NSDHL: variants seen among roughly 807,000 people sequenced by gnomAD.
NSDHL encodes the protein NAD(P) dependent 3-beta-hydroxysteroid dehydrogenase NSDHL.
A neutral mutation model predicts 23.0 loss-of-function variants in NSDHL; 1 was observed. The ratio of observed to expected loss-of-function variants is 0.04; its 90% confidence interval spans 0.02 to 0.21. The LOEUF (loss-of-function observed/expected upper bound fraction) is 0.21, where lower values mean the gene tolerates loss of function less well. Among genes scored for constraint, NSDHL ranks in the 10% least tolerant of loss-of-function variants. NSDHL has a pLI of 1.00. For synonymous variants in NSDHL, 128 were observed against 121.1 expected, an observed-to-expected ratio of 1.06 and a Z score of -0.37; for missense variants, 237 against 300.9, an observed-to-expected ratio of 0.79 and a Z score of 1.57.
chrX:152,860,413 G>GGCAT (rs1427438197), intron 4 of NSDHL, among the ~76,000 whole-genome samples: 1 of 111,634 alleles, frequency 9.0e-6, no homozygotes, highest in Non-Finnish European at 1.9e-5. Flanking sequence ...GAAGGTTGGG[G>GGCAT]GCATACAACA....
chrX:152,843,894 T>C (rs978020342), intron 1 of NSDHL, among the ~76,000 whole-genome samples: 1 of 112,178 alleles, frequency 8.9e-6, no homozygotes, highest in Non-Finnish European at 1.9e-5. Flanking sequence ...ATGTCCTTGG[T>C]TGTTTATTTG....
At position 152,868,849 on chromosome X, in the gene NSDHL, C is replaced by T. The variant is rs1238471889; in HGVS notation, c.855C>T (p.Gly285=). 8.3e-7 allele frequency: 1 copy of T among 1,209,683 alleles called. No homozygotes were observed. The highest frequency in any genetic ancestry group is 2.2e-5 in the Admixed American group (1 of 45,858). The change falls in exon 8 of 8, where the codon GGC becomes GGT. Residue 285 remains glycine, a synonymous_variant. Transcript: ENST00000370274. ...CATTCCTGTCTCGCATCCTGACAGG[C>T]CTCAATTATGAGGCCCCCAAGTACC... The part of the protein sequence containing the change: ...FWTFLSRILT[G]LNYEAPKYHI...
At chrX:152,837,920 C>T (rs1465172882) in intron 1 of NSDHL, among the ~76,000 whole-genome samples, 2 of 111,391 alleles carry the variant, frequency 1.8e-5, no homozygotes, top group Non-Finnish European at 3.8e-5. Context: ...TGAATCCGTC[C>T]GGTCCTGGCC....
chrX:152,847,743 A>G (rs905428927), intron 2 of NSDHL, among the ~76,000 whole-genome samples: 2 of 112,391 alleles, frequency 1.8e-5, no homozygotes, highest in Non-Finnish European at 3.8e-5. Context: ...CCTCTCTGAG[A>G]AAAGGGTCCC....
At chrX:152,857,032 G>A (rs1250855149) in intron 3 of NSDHL, among the ~76,000 whole-genome samples, 3 of 112,609 alleles carry the variant, frequency 2.7e-5, no homozygotes, top group African/African-American at 9.7e-5. Flanking sequence ...CCGACAGAGC[G>A]AGACAATGTC....
At chrX:152,868,162 C>T (rs1220937386) in intron 7 of NSDHL, among the ~76,000 whole-genome samples, 9 of 99,566 alleles carry the variant, frequency 9.0e-5, no homozygotes, top group African/African-American at 3.0e-4. Flanking sequence ...TTTTTTGAGA[C>T]AGTCTCACTC....
At chrX:152,867,071 C>G (rs1933618261) in intron 6 of NSDHL, among the ~76,000 whole-genome samples, 1 of 111,707 alleles carries the variant, frequency 9.0e-6, no homozygotes. Flanking sequence ...AACAGTGTGC[C>G]TCTCTCCCAA....
Position 152,867,689 on chromosome X carries a change from C to T in NSDHL, c.789+16C>T, listed in dbSNP as rs782754574. On this transcript the variant is annotated intron_variant, in intron 7 of 7. Transcript: ENST00000370274. ...GGGTGGGAAGGTAAGGCCTGCTGCA[C>T]CGGTCCCTGCACAGGTGCCTTTCTG... is the stretch of plus-strand genomic sequence containing the variant. 12 of 1,107,445 alleles carry T rather than the reference C, an allele frequency of 1.1e-5. No homozygotes were observed. The highest frequency in any genetic ancestry group is 1.5e-5 in the Non-Finnish European group (12 of 800,346). The allele number at this position is 1,107,445 out of a possible 1,213,427, so 91.3% of individuals were successfully genotyped here.
chrX:152,836,637 G>A (rs969617010), intron 1 of NSDHL, among the ~76,000 whole-genome samples: 20 of 111,581 alleles, frequency 1.8e-4, no homozygotes, highest in African/African-American at 5.2e-4. Flanking sequence ...ATTTCTGAGC[G>A]CTCTGTTTTG....
At chrX:152,843,550 C>T (rs1228069099) in intron 1 of NSDHL, among the ~76,000 whole-genome samples, 2 of 111,762 alleles carry the variant, frequency 1.8e-5, no homozygotes, top group Non-Finnish European at 3.8e-5. Flanking sequence ...CTGCCTCCAT[C>T]TTCACATGGC....
At chrX:152,865,199 C>A (rs1290811588) in intron 5 of NSDHL, among the ~76,000 whole-genome samples, 3 of 112,496 alleles carry the variant, frequency 2.7e-5, no homozygotes, top group Admixed American at 9.4e-5. Flanking sequence ...GGAGCACTGG[C>A]TCTGGACCAG....
chrX:152,835,055 C>T (rs2125001011), intron 1 of NSDHL, among the ~76,000 whole-genome samples: 1 of 112,115 alleles, frequency 8.9e-6, no homozygotes, highest in South Asian at 3.7e-4. Context: ...AATGTTCTCT[C>T]CTTTTCCCTC....
rs1933671817 is a variant in NSDHL, at chrX:152,869,360, T to C, written c.*244T>C. 4.8e-6 allele frequency: 2 copies of C among 416,473 alleles called. No individual in the cohort carries two copies. Among genetic ancestry groups the C allele is most frequent in the Non-Finnish European group, 8.5e-6 (2 of 234,096 alleles). 34.3% of individuals were successfully genotyped at this position (416,473 alleles called of 1,213,427 possible). A position where few individuals can be genotyped will look rare whatever the true frequency, so the allele number is the denominator to read the frequency against. On this transcript the variant is annotated 3_prime_UTR_variant, in exon 8 of 8. Transcript: ENST00000370274. ...CTTCATATTATACCGATTTGTTCTC[T>C]GTCTTTTTGTGTCTCTCTGTTTACC... is the stretch of plus-strand genomic sequence containing the variant.
intron 1 of NSDHL, 57 bp from the exon 2 acceptor site, chrX:152,846,225 A>G (rs1300429818): frequency 7.7e-6 from 5 of 646,392 alleles, no homozygotes; most frequent in African/African-American, 2.2e-5. Context: ...AACACTAACA[A>G]CTAAAGATGT....
intron 1 of NSDHL, among the ~76,000 whole-genome samples, chrX:152,837,596 A>T (rs1933119005): frequency 8.9e-6 from 1 of 112,167 alleles, no homozygotes; most frequent in Non-Finnish European, 1.9e-5. Context: ...GCTGGATTAC[A>T]TTTATTGATT....
At chrX:152,861,704 G>A (rs1348795643) in intron 4 of NSDHL, among the ~76,000 whole-genome samples, 8 of 112,379 alleles carry the variant, frequency 7.1e-5, no homozygotes, top group African/African-American at 1.3e-4. Context: ...ACTTTACTTC[G>A]TAAAGATTTT....
At position 152,865,804 on chromosome X, in the gene NSDHL, C is replaced by T. The variant is rs1556848010; in HGVS notation, c.544-15C>T. On this transcript the variant is annotated splice_polypyrimidine_tract_variant and intron_variant, in intron 5 of 7. Coordinates refer to ENST00000370274, the MANE Select transcript of NSDHL (RefSeq NM_015922.3). ...AATTTGCAATGGACGTGCCCCTTCT[C>T]CCACTCTCCTCCAGGCAGTTCTGGG... 8.2e-7 allele frequency: 1 copy of T among 1,212,339 alleles called. No homozygotes were observed. The highest frequency in any genetic ancestry group is 1.8e-5 in the South Asian group (1 of 57,049).
intron 1 of NSDHL, among the ~76,000 whole-genome samples, chrX:152,840,259 G>A (rs781953388): frequency 8.9e-6 from 1 of 112,114 alleles, no homozygotes; most frequent in African/African-American, 3.2e-5. Flanking sequence ...TGTTCCTTTA[G>A]CTCAGAGAAG....
intron 1 of NSDHL, 55 bp downstream of exon 1, chrX:152,831,172 G>C: frequency 1.0e-5 from 3 of 298,886 alleles, no homozygotes; most frequent in Non-Finnish European, 1.2e-5. Flanking sequence ...ACTGGGCAGT[G>C]CGGGAGGGTG....
Sources: gnomAD v4.1 joint callset for allele counts (sites outside exome capture counted in the v4.1 genomes callset) on GRCh38, gnomAD v4.1.1 for gene constraint, MANE v1.5 for transcripts, NCBI Gene and HGNC (gene_info 2026-07-23, HGNC 2026-07-21) for gene names.